MPC2: variants seen among roughly 807,000 people sequenced by gnomAD.
MPC2 encodes brain protein 44.
Under a neutral mutation model 19.2 loss-of-function variants are expected in MPC2, and 19 were observed. That is an observed-to-expected ratio of 0.99 (90% CI 0.69 to 1.45). The LOEUF (loss-of-function observed/expected upper bound fraction) is 1.45, where lower values mean the gene tolerates loss of function less well. Ranked by LOEUF, MPC2 falls within the 40% of genes most tolerant of loss-of-function variation. MPC2 has a pLI of 0.00. For missense variants in MPC2, 122 were observed against 153.0 expected (o/e 0.80, Z 1.07); for synonymous variants, 61 against 54.3 (o/e 1.12, Z -0.54).
chr1:167,936,742 G>T (rs1671282311), intron 1 of MPC2, 197 bp downstream of exon 1: 1 of 605,302 alleles, frequency 1.7e-6, no homozygotes, highest in Non-Finnish European at 2.9e-6. Context: ...GGGTGCGGCC[G>T]GGCTTCAGGG....
chr1:167,935,848 C>G lies in MPC2; in HGVS notation c.-7G>C, dbSNP rs1671140425. 3.2e-6 allele frequency: 5 copies of G among 1,549,010 alleles called. No homozygotes were observed. The highest frequency in any genetic ancestry group is 3.5e-6 in the Non-Finnish European group (4 of 1,146,316). On this transcript the variant is annotated 5_prime_UTR_variant, in exon 2 of 6. Coordinates refer to ENST00000271373, the MANE Select transcript of MPC2 (RefSeq NM_001143674.4). ...GGGCACCGGCGGCCGACATCGCCGC[C>G]GAGGGATCGTTGGCAGCCGGGTGGG...
chr1:167,936,779 A>T (rs1405479866), intron 1 of MPC2, 160 bp downstream of exon 1: 2 of 771,632 alleles, frequency 2.6e-6, no homozygotes, highest in Non-Finnish European at 4.2e-6. Context: ...TGCCACCGCC[A>T]TCTAACGCTG....
At chr1:167,923,046 C>T (rs1033690796) in intron 3 of MPC2, among the ~76,000 whole-genome samples, 1 of 152,050 alleles carries the variant, frequency 6.6e-6, no homozygotes, top group Non-Finnish European at 1.5e-5. Context: ...AAAAATGCTC[C>T]CCCATCAAAA....
intron 2 of MPC2, among the ~76,000 whole-genome samples, chr1:167,930,436 T>A (rs1670875341): frequency 6.6e-6 from 1 of 152,180 alleles, no homozygotes; most frequent in African/African-American, 2.4e-5. Flanking sequence ...ATTACTTGTT[T>A]AAAATAAATA....
At position 167,935,786 on chromosome 1, in the gene MPC2, T is replaced by C. The variant is rs150529062; in HGVS notation, c.56A>G (p.Lys19Arg). The C allele has an allele frequency of 2.0e-3, 3,083 of 1,562,870 alleles. 5 individuals carry two copies. Among genetic ancestry groups the C allele is most frequent in the Non-Finnish European group, 2.4e-3 (2,723 of 1,153,690 alleles). The change falls in exon 2 of 6, where the codon AAA (lysine) becomes AGA (arginine). Residue 19 changes from lysine to arginine, a missense_variant. Transcript: ENST00000271373. ...TTTCTCGGGCAGCATCAGCTCCACT[T>C]TATCGAGGAGCCGGTGGTAGGTGGC... ...LRATYHRLLD[K>R]VELMLPEKLR... is the part of the protein sequence containing the mutation.
Position 167,916,824 on chromosome 1 carries a change from A to ATGCC in MPC2, c.*1495_*1498dup, listed in dbSNP as rs760719383. On this transcript the variant is annotated 3_prime_UTR_variant, in exon 6 of 6. Coordinates refer to ENST00000271373, the MANE Select transcript of MPC2 (RefSeq NM_001143674.4). ...CTAGGAAACACATGTGTGCACACCC[A>ATGCC]TGCCAAACACACAAATGAATTTAAC... The ATGCC allele has an allele frequency of 1.3e-5, 2 of 152,232 alleles. No individual in the cohort carries two copies. The highest frequency in any genetic ancestry group is 2.9e-5 in the Non-Finnish European group (2 of 68,036). The allele number at this position is 152,232 out of a possible 1,614,324, so 9.4% of individuals were successfully genotyped here.
At chr1:167,935,703 C>T in intron 2 of MPC2, 30 bp downstream of exon 2, 1 of 1,537,442 alleles carries the variant, frequency 6.5e-7, no homozygotes, top group Non-Finnish European at 8.8e-7. Flanking sequence ...GAAGGAAGGT[C>T]TCGATAAGGA....
chr1:167,929,281 C>T (rs980514933), intron 2 of MPC2, among the ~76,000 whole-genome samples: 2 of 152,074 alleles, frequency 1.3e-5, no homozygotes, highest in Non-Finnish European at 2.9e-5. Flanking sequence ...ATCGCTAGAA[C>T]CCAGGAGGCA....
chr1:167,919,487 A>T (rs1329824706), intron 5 of MPC2, among the ~76,000 whole-genome samples: 9 of 152,352 alleles, frequency 5.9e-5, no homozygotes, highest in African/African-American at 2.2e-4. Flanking sequence ...ATAGTTTAAA[A>T]ATTTCCAGTG....
At chr1:167,925,480 T>TACAC (rs1553200848) in intron 2 of MPC2, among the ~76,000 whole-genome samples, 6 of 134,898 alleles carry the variant, frequency 4.4e-5, no homozygotes, top group African/African-American at 1.7e-4. Context: ...TATATACATA[T>TACAC]ACATATACAC....
At chr1:167,918,829 G>T (rs915510387) in intron 5 of MPC2, among the ~76,000 whole-genome samples, 6 of 152,066 alleles carry the variant, frequency 3.9e-5, no homozygotes, top group Non-Finnish European at 5.9e-5. Context: ...TCCTGACCTT[G>T]TGGTCTGCCT....
At chr1:167,936,660 G>A (rs1671261779) in intron 1 of MPC2, 1 of 435,846 alleles carries the variant, frequency 2.3e-6, no homozygotes, top group Non-Finnish European at 4.1e-6. Flanking sequence ...GGGGGCTGAG[G>A]GAGGAGACTG....
intron 2 of MPC2, among the ~76,000 whole-genome samples, chr1:167,932,211 A>G (rs1280983552): frequency 6.6e-6 from 1 of 152,190 alleles, no homozygotes; most frequent in Non-Finnish European, 1.5e-5. Flanking sequence ...CCTCTTGAAC[A>G]TATGCCCTAT....
At chr1:167,930,382 AC>A (rs1168169089) in intron 2 of MPC2, among the ~76,000 whole-genome samples, 2 of 152,206 alleles carry the variant, frequency 1.3e-5, no homozygotes, top group East Asian at 3.8e-4. Flanking sequence ...GAAATCATCT[AC>A]TGTAGGCACT....
chr1:167,924,540 G>GAAAAAA lies in MPC2; in HGVS notation c.110-9_110-4dup. The GAAAAAA allele has an allele frequency of 1.6e-6, 2 of 1,243,790 alleles. No individual in the cohort carries two copies. Among genetic ancestry groups the GAAAAAA allele is most frequent in the East Asian group, 2.8e-5 (1 of 35,142 alleles). The allele number at this position is 1,243,790 out of a possible 1,614,324, so 77.0% of individuals were successfully genotyped here. On this transcript the variant is annotated splice_region_variant and splice_polypyrimidine_tract_variant and intron_variant, in intron 2 of 5. Transcript: ENST00000271373. ...CCAGAAGAAAACTGTTCTGGGACCT[G>GAAAAAA]AAAAAAAAAAGAAAAGAAAAATTCA...
intron 2 of MPC2, among the ~76,000 whole-genome samples, chr1:167,928,284 CTTGCAGTGAGCCGAGATCG>C (rs1670811348): frequency 6.8e-6 from 1 of 148,090 alleles, no homozygotes; most frequent in Admixed American, 6.8e-5. Flanking sequence ...GGAGGTGGAG[CTTGCAGTGAGCCGAGATCG>C]CACCACTGCA....
At position 167,925,445 on chromosome 1, in the gene MPC2, A is replaced by G. The variant is rs1294424204; in HGVS notation, c.110-908T>C. Among the ~76,000 whole-genome samples, 287 of 70,828 alleles carry G rather than the reference A, an allele frequency of 4.1e-3. 1 individual carries two copies. Among genetic ancestry groups the G allele is most frequent in the African/African-American group, 0.014 (251 of 17,880 alleles). 46.5% of individuals were successfully genotyped at this position (70,828 alleles called of 152,430 possible). The stretch of plus-strand genomic sequence containing the variant: ...AATATACAGATATACATATACACAT[A>G]TATATATATATATATATATATATAT... On this transcript the variant is annotated intron_variant, in intron 2 of 5. Coordinates refer to ENST00000271373, the MANE Select transcript of MPC2 (RefSeq NM_001143674.4).
intron 2 of MPC2, among the ~76,000 whole-genome samples, chr1:167,929,320 T>C (rs988034718): frequency 4.0e-5 from 6 of 151,890 alleles, no homozygotes; most frequent in Non-Finnish European, 4.4e-5. Flanking sequence ...GATTGCACCA[T>C]TGCACTCCAG....
At chr1:167,931,812 T>G (rs1249531250) in intron 2 of MPC2, among the ~76,000 whole-genome samples, 3 of 152,220 alleles carry the variant, frequency 2.0e-5, no homozygotes, top group African/African-American at 7.2e-5. Flanking sequence ...ATGATACAGA[T>G]ATTTCCTTAT....
Sources: gnomAD v4.1 joint callset for allele counts (sites outside exome capture counted in the v4.1 genomes callset) on GRCh38, gnomAD v4.1.1 for gene constraint, MANE v1.5 for transcripts, NCBI Gene and HGNC (gene_info 2026-07-23, HGNC 2026-07-21) for gene names.